Variants in RPA1 observed in about 807,000 individuals in gnomAD.
RPA1 encodes replication protein A 70 kDa DNA-binding subunit.
Under a neutral mutation model 83.0 loss-of-function variants are expected in RPA1, and 49 were observed. The ratio of observed to expected loss-of-function variants is 0.59; its 90% CI spans 0.47 to 0.75. RPA1 has a LOEUF of 0.75. RPA1 is among the 30% of genes least tolerant of loss of function. RPA1 has a pLI of 0.00. For missense variants in RPA1, 693 were observed against 776.1 expected, an observed-to-expected ratio of 0.89 and a Z score of 1.27; for synonymous variants, 279 against 281.8, an observed-to-expected ratio of 0.99 and a Z score of 0.10.
At chr17:1,846,519 A>G (rs1044513392) in intron 4 of RPA1, among the ~76,000 whole-genome samples, 3 of 151,562 alleles carry the variant, frequency 2.0e-5, no homozygotes, top group Non-Finnish European at 4.4e-5. Context: ...ACGGGGTTTC[A>G]CCATGTTAGC....
At chr17:1,880,834 C>T (rs1913765530) in intron 12 of RPA1, 143 bp downstream of exon 12, 1 of 1,156,386 alleles carries the variant, frequency 8.6e-7, no homozygotes, top group Middle Eastern at 3.0e-4. Flanking sequence ...AGGCATTATG[C>T]CTTCTGTGAG....
At position 1,897,545 on chromosome 17, in the gene RPA1, G is replaced by A; in HGVS notation, c.*370G>A. ...TAACTAGGTTTTTGCTTCTCCAGTG[G>A]TGACCACCCCCCCCCATCCCCGCTC... On this transcript the variant is annotated 3_prime_UTR_variant, in exon 17 of 17. Transcript: ENST00000254719. 6.1e-6 allele frequency: 1 copy of A among 164,696 alleles called. No individual in the cohort carries two copies. The highest frequency in any genetic ancestry group is 1.3e-4 in the South Asian group (1 of 7,552). 10.2% of individuals were successfully genotyped at this position (164,696 alleles called of 1,614,324 possible). A position where few individuals can be genotyped will look rare whatever the true frequency, so the allele number is the denominator to read the frequency against.
At chr17:1,876,575 AAAGT>A (rs1410213749) in intron 7 of RPA1, among the ~76,000 whole-genome samples, 2 of 152,230 alleles carry the variant, frequency 1.3e-5, no homozygotes, top group Non-Finnish European at 2.9e-5. Flanking sequence ...TAAACAAAAT[AAAGT>A]AATTTGAATA....
At chr17:1,843,326 C>G (rs986917876) in intron 2 of RPA1, among the ~76,000 whole-genome samples, 1 of 151,718 alleles carries the variant, frequency 6.6e-6, no homozygotes, top group African/African-American at 2.4e-5. Context: ...TTCAGTCGGC[C>G]GGTCTGATGG....
Position 1,856,090 on chromosome 17 carries a change from G to A in RPA1, c.361+2901G>A, listed in dbSNP as rs545584646. 4.2e-4 allele frequency among the ~76,000 whole-genome samples: 64 copies of A among 152,170 alleles called. No individual in the cohort carries two copies. The South Asian group carries it at 6.4e-3, about 15-fold the overall frequency. On this transcript the variant is annotated intron_variant, in intron 5 of 16. Transcript: ENST00000254719. The stretch of plus-strand genomic sequence containing the variant: ...TGTAATCCCAACACCTTGGGAGAAC[G>A]AGGCAAGCCGATCGCTTGCGCTTGG...
chr17:1,884,022 C>T lies in RPA1; in HGVS notation c.1374+78C>T. On this transcript the variant is annotated intron_variant, in intron 13 of 16. Coordinates refer to ENST00000254719, the MANE Select transcript of RPA1 (RefSeq NM_002945.5). This position sits in a 1 kb window ranked among gnomAD's most constrained non-coding sequence, Gnocchi z 4.1. ...ATGGATTTAGAAACTTGGTTTCCAG[C>T]ACCAGCTGTCAGAGCCGTAATTCTT... 1.9e-6 allele frequency: 3 copies of T among 1,576,170 alleles called. No homozygotes were observed. The highest frequency in any genetic ancestry group is 2.3e-4 in the Middle Eastern group (1 of 4,326).
At chr17:1,892,818 CAT>C (rs1320716620) in intron 15 of RPA1, among the ~76,000 whole-genome samples, 1 of 152,176 alleles carries the variant, frequency 6.6e-6, no homozygotes, top group African/African-American at 2.4e-5. Context: ...TGCATTTTCA[CAT>C]ATTAGGTTTA....
chr17:1,846,114 T>C (rs879656376), intron 4 of RPA1, among the ~76,000 whole-genome samples: 1 of 152,132 alleles, frequency 6.6e-6, no homozygotes, highest in Non-Finnish European at 1.5e-5. Flanking sequence ...CAATAACTTT[T>C]TTCTGGACTG....
intron 7 of RPA1, among the ~76,000 whole-genome samples, chr17:1,876,216 C>T (rs1364997019): frequency 6.6e-6 from 1 of 152,168 alleles, no homozygotes; most frequent in Non-Finnish European, 1.5e-5. Context: ...AACACATGAA[C>T]ATACCCTGAA....
chr17:1,866,086 C>G (rs1913164226), intron 5 of RPA1, among the ~76,000 whole-genome samples: 1 of 151,874 alleles, frequency 6.6e-6, no homozygotes, highest in South Asian at 2.1e-4. Context: ...ACCAAAAATA[C>G]AGAAAATTAG....
intron 15 of RPA1, among the ~76,000 whole-genome samples, chr17:1,894,595 T>C (rs576135257): frequency 4.6e-5 from 7 of 152,250 alleles, no homozygotes; most frequent in Non-Finnish European, 1.0e-4. Flanking sequence ...TTCACATTAC[T>C]GTGCCCCTGT....
intron 8 of RPA1, 107 bp downstream of exon 8, chr17:1,877,421 C>T (rs1317085767): frequency 2.1e-6 from 2 of 931,724 alleles, no homozygotes; most frequent in Non-Finnish European, 1.7e-6. Flanking sequence ...AGGCTCAGCT[C>T]TGCGGAGGGC....
chr17:1,852,850 T>C (rs7213937), intron 4 of RPA1, among the ~76,000 whole-genome samples: 31,261 of 152,240 alleles, frequency 0.21, 3,384 homozygotes, highest in Admixed American at 0.24. Flanking sequence ...ATTCTTACCA[T>C]GTCGGTTGGC....
chr17:1,876,549 C>T (rs951500163), intron 7 of RPA1, among the ~76,000 whole-genome samples: 4 of 152,116 alleles, frequency 2.6e-5, no homozygotes, highest in East Asian at 1.9e-4. Context: ...AGTGAGATTC[C>T]GTCTCTCAAG....
intron 2 of RPA1, among the ~76,000 whole-genome samples, chr17:1,843,347 T>A (rs1379844702): frequency 6.6e-6 from 1 of 151,958 alleles, no homozygotes; most frequent in Non-Finnish European, 1.5e-5. Flanking sequence ...GTCTCTCTGC[T>A]GCACCACACG....
At chr17:1,870,947 G>T (rs1477392887) in intron 5 of RPA1, among the ~76,000 whole-genome samples, 2 of 152,140 alleles carry the variant, frequency 1.3e-5, no homozygotes, top group African/African-American at 2.4e-5. Context: ...TATAATTCAT[G>T]AAGCAGGTAA....
At chr17:1,882,462 C>T (rs942869356) in intron 12 of RPA1, among the ~76,000 whole-genome samples, 9 of 151,980 alleles carry the variant, frequency 5.9e-5, no homozygotes, top group Non-Finnish European at 1.3e-4. Context: ...CAAGACCAGC[C>T]TGGCCAACAT....
At chr17:1,868,459 G>T (rs1913265254) in intron 5 of RPA1, among the ~76,000 whole-genome samples, 2 of 152,166 alleles carry the variant, frequency 1.3e-5, no homozygotes, top group African/African-American at 4.8e-5. Context: ...AAATAGGCAG[G>T]AATTCCAAAA....
At chr17:1,849,112 T>C (rs1419205705) in intron 4 of RPA1, among the ~76,000 whole-genome samples, 2 of 152,142 alleles carry the variant, frequency 1.3e-5, no homozygotes, top group African/African-American at 4.8e-5. Flanking sequence ...TTGTTCAAAG[T>C]GTGTACACCA....
Sources: gnomAD v4.1 joint callset for allele counts (sites outside exome capture counted in the v4.1 genomes callset) on GRCh38, gnomAD v4.1.1 for gene constraint, Gnocchi (gnomAD v3.1) non-coding constraint, MANE v1.5 for transcripts, NCBI Gene and HGNC (gene_info 2026-07-23, HGNC 2026-07-21) for gene names.